CTNNA2: variants seen among roughly 807,000 people sequenced by gnomAD.
CTNNA2 encodes the protein catenin alpha 2.
CTNNA2 carries 42 observed loss-of-function variants against 101.0 expected under a neutral mutation model. The ratio of observed to expected loss-of-function variants is 0.42; its 90% CI spans 0.32 to 0.54. The LOEUF (loss-of-function observed/expected upper bound fraction) is 0.54. CTNNA2 is among the 20% of genes least tolerant of loss of function. The pLI, the probability that CTNNA2 is intolerant of heterozygous loss-of-function variation, is 0.14. For missense variants in CTNNA2, 871 were observed against 1,223.1 expected (o/e 0.71, Z 4.29); for synonymous variants, 450 against 456.4 (o/e 0.99, Z 0.18).
chr2:80,257,134 G>C (rs1672229206), intron 7 of CTNNA2, among the ~76,000 whole-genome samples: 1 of 152,068 alleles, frequency 6.6e-6, no homozygotes, highest in African/African-American at 2.4e-5. Context: ...ATAGTCTTCA[G>C]TGCAGCACTA....
intron 6 of CTNNA2, among the ~76,000 whole-genome samples, chr2:79,896,190 G>T (rs1056098080): frequency 7.9e-5 from 12 of 151,952 alleles, no homozygotes; most frequent in Non-Finnish European, 1.3e-4. Flanking sequence ...GGCTGGAATA[G>T]AAGGATCACT....
At chr2:79,261,658 C>G (rs926805545) in intron 2 of CTNNA2, among the ~76,000 whole-genome samples, 6 of 152,164 alleles carry the variant, frequency 3.9e-5, no homozygotes, top group African/African-American at 1.4e-4. Context: ...GGTGTGTCTT[C>G]CTATTCTTAT....
At chr2:80,023,288 A>G (rs971600537) in intron 7 of CTNNA2, among the ~76,000 whole-genome samples, 11 of 152,234 alleles carry the variant, frequency 7.2e-5, no homozygotes, top group Middle Eastern at 3.2e-3. Context: ...GGCTTTTTAA[A>G]GAAAATTGGT....
chr2:80,280,271 G>A (rs539619740), intron 7 of CTNNA2, among the ~76,000 whole-genome samples: 1 of 148,760 alleles, frequency 6.7e-6, no homozygotes, highest in African/African-American at 2.5e-5. Flanking sequence ...GTATGTGCTG[G>A]TGCTGATAGT....
chr2:79,641,318 G>T (rs986501963), intron 1 of CTNNA2, among the ~76,000 whole-genome samples: 5 of 152,158 alleles, frequency 3.3e-5, no homozygotes, highest in African/African-American at 1.2e-4. Flanking sequence ...TTCTGGTGAA[G>T]AATTGAGATA....
chr2:79,463,796 C>T (rs1573177693), intron 4 of CTNNA2, among the ~76,000 whole-genome samples: 1 of 152,082 alleles, frequency 6.6e-6, no homozygotes, highest in African/African-American at 2.4e-5. Context: ...AGCTTGTGCC[C>T]ATAGATCCAT....
intron 7 of CTNNA2, among the ~76,000 whole-genome samples, chr2:80,227,704 C>T (rs1490748223): frequency 6.6e-6 from 1 of 152,164 alleles, no homozygotes; most frequent in African/African-American, 2.4e-5. Flanking sequence ...GGTTTTGCTT[C>T]ACTTGGTTAC....
At chr2:79,810,421 CT>C (rs983961789) in intron 3 of CTNNA2, among the ~76,000 whole-genome samples, 1 of 152,068 alleles carries the variant, frequency 6.6e-6, no homozygotes, top group Non-Finnish European at 1.5e-5. Flanking sequence ...TTATCTCCCC[CT>C]GGGTCCCTCC....
At chr2:80,179,070 G>A (rs1401376232) in intron 7 of CTNNA2, among the ~76,000 whole-genome samples, 2 of 152,236 alleles carry the variant, frequency 1.3e-5, no homozygotes, top group Non-Finnish European at 2.9e-5. Context: ...CCCTGAGGTA[G>A]GACAGAGAAG....
intron 12 of CTNNA2, among the ~76,000 whole-genome samples, chr2:80,567,379 C>A (rs567501317): frequency 6.6e-6 from 1 of 152,146 alleles, no homozygotes; most frequent in Admixed American, 6.5e-5. Flanking sequence ...TGAATTGGAA[C>A]TTCAGACTCG....
intron 7 of CTNNA2, among the ~76,000 whole-genome samples, chr2:79,937,647 T>G (rs1018442297): frequency 2.0e-5 from 3 of 152,180 alleles, no homozygotes; most frequent in Non-Finnish European, 4.4e-5. Flanking sequence ...GAAAATGAAA[T>G]TAAATATTAA....
intron 1 of CTNNA2, among the ~76,000 whole-genome samples, chr2:79,569,865 A>C (rs1308159203): frequency 6.6e-6 from 1 of 152,222 alleles, no homozygotes; most frequent in African/African-American, 2.4e-5. Context: ...TACCTCAGCC[A>C]TACATTCTAA....
At chr2:80,253,467 A>G (rs1242506745) in intron 7 of CTNNA2, among the ~76,000 whole-genome samples, 2 of 152,018 alleles carry the variant, frequency 1.3e-5, no homozygotes. Flanking sequence ...TCGACTCTCT[A>G]GTTCTATGCT....
chr2:80,194,681 G>A (rs1044896558), intron 7 of CTNNA2, among the ~76,000 whole-genome samples: 2 of 150,348 alleles, frequency 1.3e-5, no homozygotes, highest in East Asian at 1.9e-4. Context: ...GGAGACAGGC[G>A]ATTTTTTATT....
chr2:79,631,366 G>T (rs944582710), intron 1 of CTNNA2, among the ~76,000 whole-genome samples: 33 of 151,920 alleles, frequency 2.2e-4, no homozygotes, highest in African/African-American at 8.0e-4. Context: ...CGTATGTGAG[G>T]ATCATTCATA....
intron 2 of CTNNA2, among the ~76,000 whole-genome samples, chr2:79,675,730 AG>A (rs2104609767): frequency 6.6e-6 from 1 of 152,312 alleles, no homozygotes; most frequent in Non-Finnish European, 1.5e-5. Flanking sequence ...TGTGATCTTT[AG>A]GGCCTAGAAC....
intron 2 of CTNNA2, among the ~76,000 whole-genome samples, chr2:79,703,125 T>C (rs1266972700): frequency 1.3e-5 from 2 of 152,216 alleles, no homozygotes; most frequent in South Asian, 2.1e-4. Flanking sequence ...CATAGCTCCC[T>C]AGGGGACAAT....
rs1483210091 is a variant in CTNNA2 at position 80,303,261 on chromosome 2, G to C, written c.1057-89950G>C. On this transcript the variant is annotated intron_variant, in intron 7 of 18. Transcript: ENST00000402739. This position sits in a 1 kb window ranked among gnomAD's most constrained non-coding sequence, Gnocchi z 7.7. The stretch of plus-strand genomic sequence containing the variant: ...TTGTATCCGATGTCGAGAAACTTGA[G>C]GCTGCGGCAGTCCTGGAAGATGCGC... 1 of 1,613,642 alleles carries C rather than the reference G, an allele frequency of 6.2e-7. No individual in the cohort carries two copies. Among genetic ancestry groups the C allele is most frequent in the Non-Finnish European group, 8.5e-7 (1 of 1,180,010 alleles).
chr2:79,825,510 C>G (rs1678367017), intron 3 of CTNNA2, among the ~76,000 whole-genome samples: 1 of 151,920 alleles, frequency 6.6e-6, no homozygotes, highest in African/African-American at 2.4e-5. Flanking sequence ...GTTTGAGCAT[C>G]TAAAGGGGAT....
Sources: allele counts gnomAD v4.1 joint callset (sites outside exome capture counted in the v4.1 genomes callset), GRCh38; gene constraint gnomAD v4.1.1; non-coding constraint Gnocchi (gnomAD v3.1); transcripts MANE v1.5; gene names NCBI Gene and HGNC (gene_info 2026-07-23, HGNC 2026-07-21).